Variants in AKT3 observed in about 807,000 individuals in gnomAD.
The protein encoded by AKT3 is RAC-gamma serine/threonine-protein kinase.
Under a neutral mutation model 65.3 loss-of-function variants are expected in AKT3, and 15 were observed. The ratio of observed to expected loss-of-function variants is 0.23; its 90% CI spans 0.15 to 0.35. The LOEUF (loss-of-function observed/expected upper bound fraction) is 0.35. AKT3 is among the 10% of genes least tolerant of loss of function. The probability of loss-of-function intolerance (pLI) is 1.00; values close to 1 mark genes in which losing one functional copy is unlikely to be tolerated. For synonymous variants in AKT3, 206 were observed against 183.8 expected, an observed-to-expected ratio of 1.12 and a Z score of -0.98; for missense variants, 243 against 576.5, an observed-to-expected ratio of 0.42 and a Z score of 5.92.
At chr1:243,832,153 A>AAAAAAAAAAAAAAAAAAAAAAAT (rs1694574223) in intron 2 of AKT3, among the ~76,000 whole-genome samples, 1 of 90,548 alleles carries the variant, frequency 1.1e-5, no homozygotes, top group Non-Finnish European at 2.5e-5. Flanking sequence ...AAAAAAAAAA[A>AAAAAAAAAAAAAAAAAAAAAAAT]AAAAAAAAAA....
intron 2 of AKT3, among the ~76,000 whole-genome samples, chr1:243,726,320 T>C (rs770691358): frequency 5.3e-5 from 8 of 152,100 alleles, no homozygotes; most frequent in Non-Finnish European, 1.2e-4. Context: ...TCTGGAAAAA[T>C]TATCTGGATG....
At chr1:243,562,951 C>T (rs962140489) in intron 10 of AKT3, among the ~76,000 whole-genome samples, 1 of 152,150 alleles carries the variant, frequency 6.6e-6, no homozygotes, top group Non-Finnish European at 1.5e-5. Context: ...GTTTGTTACA[C>T]AGCATTAGTA....
chr1:243,701,864 T>C (rs1685485483), intron 2 of AKT3, among the ~76,000 whole-genome samples: 1 of 152,124 alleles, frequency 6.6e-6, no homozygotes, highest in African/African-American at 2.4e-5. Flanking sequence ...GTTACTGTTT[T>C]ATCATAAAGC....
intron 6 of AKT3, among the ~76,000 whole-genome samples, chr1:243,618,630 A>G (rs140257056): frequency 4.1e-4 from 63 of 152,300 alleles, no homozygotes; most frequent in African/African-American, 1.3e-3. Context: ...ACAAATTTAC[A>G]TATATTTATC....
At chr1:243,831,977 T>C (rs562450469) in intron 2 of AKT3, among the ~76,000 whole-genome samples, 1 of 151,794 alleles carries the variant, frequency 6.6e-6, no homozygotes, top group Non-Finnish European at 1.5e-5. Flanking sequence ...ATCTGTCAGA[T>C]GAATGGATAT....
intron 11 of AKT3, among the ~76,000 whole-genome samples, chr1:243,551,520 A>G (rs561340101): frequency 2.0e-5 from 3 of 152,112 alleles, no homozygotes; most frequent in South Asian, 2.1e-4. Context: ...TTTCTCAGAT[A>G]GACTTAAAAA....
chr1:243,817,614 GC>G (rs1693609957), intron 2 of AKT3, among the ~76,000 whole-genome samples: 1 of 152,188 alleles, frequency 6.6e-6, no homozygotes, highest in Non-Finnish European at 1.5e-5. Context: ...GGTGGCACAT[GC>G]CTGTAGTCCC....
intron 12 of AKT3, among the ~76,000 whole-genome samples, chr1:243,516,091 T>C (rs1440841729): frequency 6.6e-6 from 1 of 152,222 alleles, no homozygotes; most frequent in Non-Finnish European, 1.5e-5. Context: ...ATAGAACTGA[T>C]AATATTCCTT....
chr1:243,625,735 A>G (rs867810097), intron 6 of AKT3, among the ~76,000 whole-genome samples: 1 of 152,162 alleles, frequency 6.6e-6, no homozygotes, highest in South Asian at 2.1e-4. Flanking sequence ...ATTTAAGAAA[A>G]TAGATTGTGA....
At chr1:243,721,182 G>C (rs1225875770) in intron 2 of AKT3, among the ~76,000 whole-genome samples, 1 of 151,990 alleles carries the variant, frequency 6.6e-6, no homozygotes, top group Non-Finnish European at 1.5e-5. Flanking sequence ...TTCTGTCTAG[G>C]AACTGGCCTA....
intron 2 of AKT3, among the ~76,000 whole-genome samples, chr1:243,712,027 G>A (rs532030373): frequency 9.2e-5 from 14 of 152,082 alleles, no homozygotes; most frequent in Non-Finnish European, 2.1e-4. Context: ...TTAATATCCT[G>A]ACCACTGACA....
At chr1:243,592,917 A>C (rs2148555532) in intron 8 of AKT3, among the ~76,000 whole-genome samples, 1 of 152,372 alleles carries the variant, frequency 6.6e-6, no homozygotes, top group Admixed American at 6.5e-5. Flanking sequence ...TTGTAACAAC[A>C]GTACAAAGGC....
intron 2 of AKT3, among the ~76,000 whole-genome samples, chr1:243,752,320 T>G (rs1281619948): frequency 6.6e-6 from 1 of 152,204 alleles, no homozygotes; most frequent in Non-Finnish European, 1.5e-5. Flanking sequence ...ATAGTAACCA[T>G]GAGCACTGCT....
At chr1:243,527,809 C>G (rs543828303) in intron 12 of AKT3, among the ~76,000 whole-genome samples, 2 of 150,414 alleles carry the variant, frequency 1.3e-5, no homozygotes, top group African/African-American at 4.9e-5. Flanking sequence ...GAGGCTGCAG[C>G]GAGCTGTGAT....
In AKT3 at chr1:243,695,577, TATA is replaced by T. The variant is rs1169009479; in HGVS notation, c.172+11_172+13del. On this transcript the variant is annotated intron_variant, in intron 3 of 13. Coordinates refer to ENST00000673466, the MANE Select transcript of AKT3 (RefSeq NM_005465.7). The stretch of plus-strand genomic sequence containing the variant: ...AATAAATACAAGATGAATCAACAAT[TATA>T]ATTAACTTACTTGCCACTGAAAAGT... The T allele has an allele frequency of 6.4e-7, 1 of 1,571,506 alleles. No homozygotes were observed. Among genetic ancestry groups the T allele is most frequent in the East Asian group, 2.3e-5 (1 of 43,944 alleles).
chr1:243,795,625 C>T (rs1015796200), intron 2 of AKT3, among the ~76,000 whole-genome samples: 2 of 150,596 alleles, frequency 1.3e-5, no homozygotes, highest in Non-Finnish European at 3.0e-5. Flanking sequence ...GCGCCCGCCA[C>T]TACGCCCGGC....
At chr1:243,558,601 C>T (rs2148477877) in intron 10 of AKT3, among the ~76,000 whole-genome samples, 1 of 152,196 alleles carries the variant, frequency 6.6e-6, no homozygotes, top group African/African-American at 2.4e-5. Context: ...ATAGCAACCA[C>T]AGCTAGATAT....
At chr1:243,848,020 CTAT>C (rs1695591260) in intron 1 of AKT3, among the ~76,000 whole-genome samples, 2 of 152,238 alleles carry the variant, frequency 1.3e-5, no homozygotes, top group South Asian at 4.1e-4. Context: ...TTACTTTGGA[CTAT>C]TTTTAAAACG....
intron 2 of AKT3, among the ~76,000 whole-genome samples, chr1:243,832,169 A>G (rs542268926): frequency 1.2e-3 from 169 of 143,542 alleles, no homozygotes; most frequent in African/African-American, 4.2e-3. Context: ...AAAAAAGACT[A>G]GATAACTTTT....
Sources: allele counts gnomAD v4.1 joint callset (sites outside exome capture counted in the v4.1 genomes callset), GRCh38; gene constraint gnomAD v4.1.1; transcripts MANE v1.5; gene names NCBI Gene and HGNC (gene_info 2026-07-23, HGNC 2026-07-21).